Variants in ADNP2 observed in about 807,000 individuals in gnomAD.
The protein encoded by ADNP2 is activity-dependent neuroprotector homeobox protein 2.
ADNP2 carries 8 observed loss-of-function variants against 16.4 expected under a neutral mutation model. The ratio of observed to expected loss-of-function variants is 0.49; its 90% CI spans 0.29 to 0.88. The LOEUF is 0.88. Ranked by LOEUF, ADNP2 falls within the 40% of genes least tolerant of loss-of-function variation. The probability of loss-of-function intolerance (pLI) is 0.09; values close to 1 mark genes in which losing one functional copy is unlikely to be tolerated. For synonymous variants in ADNP2, 637 were observed against 545.8 expected (o/e 1.17, Z -2.33); for missense variants, 1,397 against 1,395.1 (o/e 1.00, Z -0.02).
intron 2 of ADNP2, among the ~76,000 whole-genome samples, chr18:80,128,229 T>C (rs2052473074): frequency 6.6e-6 from 1 of 152,244 alleles, no homozygotes; most frequent in East Asian, 1.9e-4. Flanking sequence ...TGTTTCCTAG[T>C]GTTTATGCTT....
Position 80,136,850 on chromosome 18 carries a change from C to T in ADNP2, c.1437C>T (p.Gly479=). Residue 479 remains glycine, a synonymous_variant, in exon 4 of 4, where the codon GGC becomes GGT. Transcript: ENST00000262198. ...CAACTTCTGGGGTTCTTCCTACTGG[C>T]CAGATGGTCCAGTCAGGAGTTCTCC... ...QTATSGVLPT[G]QMVQSGVLPV... 1.9e-6 allele frequency: 3 copies of T among 1,614,124 alleles called. No homozygotes were observed. Among genetic ancestry groups the T allele is most frequent in the Middle Eastern group, 1.6e-4 (1 of 6,062 alleles).
In ADNP2 at chr18:80,117,518, T is replaced by C; in HGVS notation, c.-13-12T>C. 1 of 1,553,778 alleles carries C rather than the reference T, an allele frequency of 6.4e-7. No homozygotes were observed. The highest frequency in any genetic ancestry group is 8.7e-7 in the Non-Finnish European group (1 of 1,146,284). ...ATGTACTTATTACAGTTTTGTTTTC[T>C]TTCCTTTTAAGGAAAATTTCAAAAA... is the stretch of plus-strand genomic sequence containing the variant. On this transcript the variant is annotated splice_polypyrimidine_tract_variant and intron_variant, in intron 1 of 3. Coordinates refer to ENST00000262198, the MANE Select transcript of ADNP2 (RefSeq NM_014913.4).
chr18:80,114,134 A>C (rs1287040079), intron 1 of ADNP2, among the ~76,000 whole-genome samples: 1 of 151,360 alleles, frequency 6.6e-6, no homozygotes. Flanking sequence ...TTGAGGCTGC[A>C]GTGAGCTGTA....
intron 2 of ADNP2, among the ~76,000 whole-genome samples, chr18:80,127,195 A>G (rs2052464775): frequency 6.6e-6 from 1 of 152,188 alleles, no homozygotes; most frequent in African/African-American, 2.4e-5. Context: ...AAAACGTAGT[A>G]TATGTAGCGT....
chr18:80,116,635 A>G (rs963865544), intron 1 of ADNP2, among the ~76,000 whole-genome samples: 1 of 150,096 alleles, frequency 6.7e-6, no homozygotes, highest in Non-Finnish European at 1.5e-5. Context: ...GATGTTGAGC[A>G]TTTTTTTTTG....
At position 80,128,818 on chromosome 18, in the gene ADNP2, AATACT is replaced by A. The variant is rs1446367167; in HGVS notation, c.109-4284_109-4280del. On this transcript the variant is annotated intron_variant, in intron 2 of 3. Coordinates refer to ENST00000262198, the MANE Select transcript of ADNP2 (RefSeq NM_014913.4). ...TTAAAGTAATCATTGTTATAAAAAT[AATACT>A]GTAATCTATGAATGTTTGAAAATGC... 3.3e-5 allele frequency among the ~76,000 whole-genome samples: 5 copies of A among 152,240 alleles called. No homozygotes were observed. The East Asian group carries it at 7.7e-4, about 24-fold the overall frequency.
At chr18:80,132,673 TTC>T (rs386805578) in intron 2 of ADNP2, among the ~76,000 whole-genome samples, 1 of 146,132 alleles carries the variant, frequency 6.8e-6, no homozygotes. Flanking sequence ...CTCTCCCCTC[TTC>T]CTCCCCTCTC....
chr18:80,138,653 T>C lies in ADNP2; in HGVS notation c.3240T>C (p.Phe1080=), dbSNP rs1305290799. The C allele has an allele frequency of 9.3e-6, 15 of 1,611,836 alleles. No individual in the cohort carries two copies. The highest frequency in any genetic ancestry group is 1.3e-5 in the Non-Finnish European group (15 of 1,179,536). ...KKEIELLSSL[F]WVWKIDVASF... is the part of the protein sequence containing the mutation. ...AAATAGAACTGTTGTCCTCACTCTT[T>C]TGGGTGTGGAAAATTGATGTGGCTT... The change falls in exon 4 of 4, where the codon TTT becomes TTC. Residue 1080 remains phenylalanine (F), a synonymous_variant. Coordinates refer to ENST00000262198, the MANE Select transcript of ADNP2 (RefSeq NM_014913.4).
chr18:80,126,255 CTGT>C (rs34593424), intron 2 of ADNP2, among the ~76,000 whole-genome samples: 36,626 of 151,748 alleles, frequency 0.24, 5,941 homozygotes, highest in African/African-American at 0.47. Context: ...AGCCTTTGTT[CTGT>C]TGTTGTTATA....
At chr18:80,122,070 C>G (rs1463306182) in intron 2 of ADNP2, among the ~76,000 whole-genome samples, 1 of 152,082 alleles carries the variant, frequency 6.6e-6, no homozygotes, top group Admixed American at 6.5e-5. Flanking sequence ...CAGGTGCCTA[C>G]CACCATGTCT....
At chr18:80,114,680 C>T (rs965504459) in intron 1 of ADNP2, among the ~76,000 whole-genome samples, 1 of 152,120 alleles carries the variant, frequency 6.6e-6, no homozygotes, top group Non-Finnish European at 1.5e-5. Flanking sequence ...CCCAAACTTA[C>T]TGGAGTAAGA....
chr18:80,117,838 G>C (rs906370861), intron 2 of ADNP2, among the ~76,000 whole-genome samples, 188 bp downstream of exon 2: 1 of 152,172 alleles, frequency 6.6e-6, no homozygotes, highest in Non-Finnish European at 1.5e-5. Flanking sequence ...AGGTTTTTAA[G>C]CTACTTTAAG....
chr18:80,126,568 A>G (rs1294779495), intron 2 of ADNP2, among the ~76,000 whole-genome samples: 1 of 152,132 alleles, frequency 6.6e-6, no homozygotes, highest in African/African-American at 2.4e-5. Flanking sequence ...TATATTTTAA[A>G]GATTTCACTC....
chr18:80,134,418 T>TGAGAGA (rs1555730307), intron 3 of ADNP2, among the ~76,000 whole-genome samples: 9 of 136,556 alleles, frequency 6.6e-5, no homozygotes, highest in African/African-American at 2.4e-4. Flanking sequence ...TGTGTGTGTG[T>TGAGAGA]GAGAGAGAGT....
intron 2 of ADNP2, among the ~76,000 whole-genome samples, chr18:80,128,587 C>G (rs938178103): frequency 6.6e-5 from 10 of 151,976 alleles, no homozygotes; most frequent in Non-Finnish European, 1.2e-4. Context: ...GAGGTGGAGG[C>G]GGCAGTGAGC....
chr18:80,122,794 AT>A (rs1568410346), intron 2 of ADNP2, among the ~76,000 whole-genome samples: 2 of 152,162 alleles, frequency 1.3e-5, no homozygotes, highest in Non-Finnish European at 2.9e-5. Flanking sequence ...TTCAGTTACG[AT>A]GCCTTTTATT....
In ADNP2 at chr18:80,138,992, C is replaced by T; in HGVS notation, c.*183C>T. On this transcript the variant is annotated 3_prime_UTR_variant, in exon 4 of 4. Transcript: ENST00000262198. ...CAGGAAGCCAGTAGTTATTTCACAT[C>T]TATTGTTTCCTGCAGTTTGATTTGT... 2.1e-6 allele frequency: 1 copy of T among 474,204 alleles called. No homozygotes were observed. Among genetic ancestry groups the T allele is most frequent in the East Asian group, 3.3e-5 (1 of 29,860 alleles). The allele number at this position is 474,204 out of a possible 1,614,324, so 29.4% of individuals were successfully genotyped here. A position where few individuals can be genotyped will look rare whatever the true frequency, so the allele number is the denominator to read the frequency against.
intron 1 of ADNP2, among the ~76,000 whole-genome samples, chr18:80,110,932 G>A (rs1294477270): frequency 6.6e-6 from 1 of 152,204 alleles, no homozygotes; most frequent in Non-Finnish European, 1.5e-5. Context: ...GAAGATGACA[G>A]CTATGCTAAG....
In ADNP2 at chr18:80,138,144, C is replaced by T; in HGVS notation, c.2731C>T (p.Pro911Ser). ...CACAGTCCACACGGTCCTGAAGTCTCCCGCCTTCAAGTGCATCCACTGCTG... is the reference window on the plus strand; with the variant it reads ...CACAGTCCACACGGTCCTGAAGTCTTCCGCCTTCAAGTGCATCCACTGCTG... ...MPTVHTVLKS[P>S]AFKCIHCCGV... Residue 911 changes from proline to serine, a missense_variant, in exon 4 of 4, where the codon CCC (proline) becomes TCC (serine). This residue lies in a region of ADNP2 where 611 missense variants were observed against 648.7 expected (regional missense o/e 0.94). Coordinates refer to ENST00000262198, the MANE Select transcript of ADNP2 (RefSeq NM_014913.4). 1 of 1,614,114 alleles carries T rather than the reference C, an allele frequency of 6.2e-7. No individual in the cohort carries two copies. Among genetic ancestry groups the T allele is most frequent in the Non-Finnish European group, 8.5e-7 (1 of 1,180,036 alleles).
Sources: gnomAD v4.1 joint callset for allele counts (sites outside exome capture counted in the v4.1 genomes callset) on GRCh38, gnomAD v4.1.1 for gene constraint, gnomAD v4.1.1 regional missense constraint, MANE v1.5 for transcripts, NCBI Gene and HGNC (gene_info 2026-07-23, HGNC 2026-07-21) for gene names.